The following DOK6 variants were observed in gnomAD, a reference collection of about 807,000 sequenced individuals.
DOK6 encodes downstream of tyrosine kinase 6.
In DOK6, 22 loss-of-function variants were observed where a neutral mutation model predicts 44.0. That is an observed-to-expected ratio of 0.50 (90% CI 0.36 to 0.71). DOK6 has a LOEUF of 0.71. Among genes scored for constraint, DOK6 ranks in the 30% least tolerant of loss-of-function variants. DOK6 has a pLI of 0.00. For missense variants in DOK6, 340 were observed against 416.4 expected (o/e 0.82, Z 1.60); for synonymous variants, 166 against 145.5 (o/e 1.14, Z -1.01).
At chr18:69,795,331 C>G (rs1026816118) in intron 7 of DOK6, among the ~76,000 whole-genome samples, 7 of 151,998 alleles carry the variant, frequency 4.6e-5, no homozygotes, top group African/African-American at 1.7e-4. Context: ...AAATGCTTAG[C>G]CCTTCCATTT....
intron 1 of DOK6, among the ~76,000 whole-genome samples, chr18:69,438,185 G>A (rs982219724): frequency 1.3e-5 from 2 of 152,132 alleles, no homozygotes. Context: ...TCTGTAGCAA[G>A]TGATGCTATT....
chr18:69,605,114 G>GTGTGTGTGTGTGTGTGTGTGTA (rs1568308925), intron 3 of DOK6, among the ~76,000 whole-genome samples: 2 of 148,618 alleles, frequency 1.3e-5, no homozygotes, highest in Admixed American at 6.7e-5. Context: ...GTGTGTGTGT[G>GTGTGTGTGTGTGTGTGTGTGTA]TGTGTGTGTG....
chr18:69,473,850 A>G (rs1303946688), intron 1 of DOK6, among the ~76,000 whole-genome samples: 2 of 152,290 alleles, frequency 1.3e-5, no homozygotes, highest in Admixed American at 6.5e-5. Context: ...TAGAAGCAGG[A>G]TATGTTCCTT....
intron 7 of DOK6, among the ~76,000 whole-genome samples, chr18:69,824,052 T>A (rs182235865): frequency 0.02 from 2,980 of 152,080 alleles, 34 homozygotes; most frequent in East Asian, 0.028. Context: ...TTCTTTTTTT[T>A]TAAAAATTAT....
At chr18:69,463,364 T>A (rs1171547702) in intron 1 of DOK6, among the ~76,000 whole-genome samples, 1 of 132,136 alleles carries the variant, frequency 7.6e-6, no homozygotes, top group Non-Finnish European at 1.7e-5. Flanking sequence ...TTTCTCCCTC[T>A]CCCTTCAGAA....
rs562335771 is a variant in DOK6, at chr18:69,606,669, A to G, written c.289+7171A>G. ...ACTCCATTTAAAAACTGTTAGGACA[A>G]ACGAATTCAGTGAAGATGCAGGATA... On this transcript the variant is annotated intron_variant, in intron 3 of 7. Transcript: ENST00000382713. 1.6e-4 allele frequency among the ~76,000 whole-genome samples: 25 copies of G among 152,026 alleles called. No homozygotes were observed. The East Asian group carries it at 4.8e-3, about 29-fold the overall frequency.
intron 1 of DOK6, among the ~76,000 whole-genome samples, chr18:69,459,109 C>CA (rs398033365): frequency 1.9e-5 from 2 of 103,378 alleles, no homozygotes; most frequent in Non-Finnish European, 1.9e-5. Context: ...ACCCCCCCCC[C>CA]AAAAAAAAGG....
chr18:69,566,125 T>C lies in DOK6; in HGVS notation c.174+1531T>C, dbSNP rs1016744335. Among the ~76,000 whole-genome samples the C allele has an allele frequency of 1.3e-3, 195 of 151,538 alleles. 1 individual carries two copies. The highest frequency in any genetic ancestry group is 4.6e-3 in the African/African-American group (190 of 41,248). On this transcript the variant is annotated intron_variant, in intron 2 of 7. Coordinates refer to ENST00000382713, the MANE Select transcript of DOK6 (RefSeq NM_152721.6). Reference sequence around the variant, plus strand: ...AGTACAGCTCGGTTTATTTATTTATTTATTTATTTATTTATTTATTTACTT... The same window carrying C: ...AGTACAGCTCGGTTTATTTATTTATCTATTTATTTATTTATTTATTTACTT...
intron 3 of DOK6, among the ~76,000 whole-genome samples, chr18:69,657,903 G>T (rs1985410540): frequency 6.6e-6 from 1 of 151,968 alleles, no homozygotes. Flanking sequence ...TTGGGTGGTT[G>T]TTTGGTTTTG....
intron 5 of DOK6, among the ~76,000 whole-genome samples, chr18:69,710,968 C>T (rs1259626336): frequency 6.6e-6 from 1 of 152,200 alleles, no homozygotes. Flanking sequence ...TCAACATTTG[C>T]TGCTGATCTT....
chr18:69,741,524 G>A (rs538177719), intron 6 of DOK6, among the ~76,000 whole-genome samples: 46 of 152,124 alleles, frequency 3.0e-4, no homozygotes, highest in African/African-American at 1.1e-3. Flanking sequence ...TTGAGACAGG[G>A]TCTCGCTCTG....
At chr18:69,512,332 C>CTT (rs548031851) in intron 1 of DOK6, among the ~76,000 whole-genome samples, 49 of 91,646 alleles carry the variant, frequency 5.3e-4, no homozygotes, top group Non-Finnish European at 6.3e-4. Context: ...CTTTCTTCTT[C>CTT]TTTTTTTTTT....
At chr18:69,661,691 T>C (rs771463335) in intron 3 of DOK6, 8 of 152,238 alleles carry the variant, frequency 5.3e-5, no homozygotes, top group Non-Finnish European at 7.3e-5. Context: ...GTCAATTTTG[T>C]TCTTTCCACC....
chr18:69,831,441 C>T (rs149342999), intron 7 of DOK6, among the ~76,000 whole-genome samples: 14 of 152,278 alleles, frequency 9.2e-5, no homozygotes, highest in African/African-American at 1.4e-4. Context: ...TTCCTGCTGA[C>T]ACATAAAAGC....
At chr18:69,440,222 G>A (rs1979097413) in intron 1 of DOK6, among the ~76,000 whole-genome samples, 1 of 152,090 alleles carries the variant, frequency 6.6e-6, no homozygotes, top group Non-Finnish European at 1.5e-5. Context: ...ATGGTTTATG[G>A]TGCCAAAAAC....
chr18:69,751,573 AGT>A (rs1295608578), intron 6 of DOK6, among the ~76,000 whole-genome samples: 2 of 152,210 alleles, frequency 1.3e-5, no homozygotes, highest in African/African-American at 4.8e-5. Flanking sequence ...ATTCTACATC[AGT>A]GTGTGCATCT....
intron 5 of DOK6, among the ~76,000 whole-genome samples, chr18:69,720,007 T>G (rs1283552997): frequency 6.6e-6 from 1 of 152,130 alleles, no homozygotes; most frequent in Admixed American, 6.5e-5. Flanking sequence ...CTGGGCTACA[T>G]GGTGAAACCC....
At chr18:69,500,097 C>G (rs191610203) in intron 1 of DOK6, among the ~76,000 whole-genome samples, 4 of 152,156 alleles carry the variant, frequency 2.6e-5, no homozygotes, top group Non-Finnish European at 5.9e-5. Flanking sequence ...ACAGCCAGAA[C>G]GATGCTTGAT....
chr18:69,535,564 C>T (rs75544472), intron 1 of DOK6, among the ~76,000 whole-genome samples: 4,544 of 130,748 alleles, frequency 0.035, 80 homozygotes, highest in Middle Eastern at 0.053. Context: ...TTTTACTACT[C>T]AGTTGAATAT....
Sources: gnomAD v4.1 joint callset for allele counts (sites outside exome capture counted in the v4.1 genomes callset) on GRCh38, gnomAD v4.1.1 for gene constraint, MANE v1.5 for transcripts, NCBI Gene and HGNC (gene_info 2026-07-23, HGNC 2026-07-21) for gene names.